PSMD13: variants seen among roughly 807,000 people sequenced by gnomAD.
The protein encoded by PSMD13 is proteasome 26S subunit, non-ATPase 13, also known as 26S proteasome non-ATPase regulatory subunit 13.
In PSMD13, 8 loss-of-function variants were observed where a neutral mutation model predicts 57.4. That is an observed-to-expected ratio of 0.14 (90% CI 0.08 to 0.25). The LOEUF is 0.25. Ranked by LOEUF, PSMD13 falls within the 10% of genes least tolerant of loss-of-function variation. PSMD13 has a pLI of 1.00. For missense variants in PSMD13, 400 were observed against 461.5 expected (o/e 0.87, Z 1.22); for synonymous variants, 193 against 168.2 (o/e 1.15, Z -1.14).
intron 2 of PSMD13, among the ~76,000 whole-genome samples, chr11:240,101 C>CCT (rs1859481826): frequency 1.9e-5 from 1 of 51,412 alleles, no homozygotes; most frequent in Non-Finnish European, 3.4e-5. Flanking sequence ...ATGAGACCTG[C>CCT]TTTTTTTTTT....
intron 7 of PSMD13, 104 bp downstream of exon 7, chr11:247,552 C>A: frequency 1.5e-6 from 2 of 1,343,094 alleles, no homozygotes; most frequent in Non-Finnish European, 2.0e-6. Context: ...TAAGGTGGGG[C>A]TGGGCACGGT....
chr11:248,639 G>A (rs1269471757), intron 7 of PSMD13, 137 bp from the exon 8 acceptor site: 1 of 796,678 alleles, frequency 1.3e-6, no homozygotes, highest in Admixed American at 2.3e-5. Flanking sequence ...CTTCAGAAGA[G>A]GTGACTAATG....
Position 252,194 on chromosome 11 carries a change from G to A in PSMD13, c.1035+258G>A, listed in dbSNP as rs1292913076. The A allele has an allele frequency of 3.9e-6, 2 of 516,734 alleles. No homozygotes were observed. Among genetic ancestry groups the A allele is most frequent in the African/African-American group, 3.8e-5 (2 of 52,486 alleles). The allele number at this position is 516,734 out of a possible 1,614,324, so 32.0% of individuals were successfully genotyped here. ...GGTGCCTTTTAATCTTAAGATAGGA[G>A]CTCTGATCAGATACGTTCCTGGTTC... On this transcript the variant is annotated intron_variant, in intron 12 of 12. Transcript: ENST00000532097. The surrounding 1 kb of genome is among the most constrained non-coding windows in gnomAD (Gnocchi z 4.1).
intron 1 of PSMD13, among the ~76,000 whole-genome samples, chr11:238,627 C>T (rs1222810922): frequency 1.3e-5 from 2 of 152,000 alleles, no homozygotes; most frequent in East Asian, 1.9e-4. Flanking sequence ...GCCGAGATGG[C>T]GCCACTGCAC....
chr11:252,675 C>G lies in PSMD13; in HGVS notation c.*75C>G. The G allele has an allele frequency of 7.2e-7, 1 of 1,383,008 alleles. No individual in the cohort carries two copies. The highest frequency in any genetic ancestry group is 1.0e-6 in the Non-Finnish European group (1 of 975,582). The allele number at this position is 1,383,008 out of a possible 1,614,324, so 85.7% of individuals were successfully genotyped here. A position where few individuals can be genotyped will look rare whatever the true frequency, so the allele number is the denominator to read the frequency against. On this transcript the variant is annotated 3_prime_UTR_variant, in exon 13 of 13. Transcript: ENST00000532097. The surrounding 1 kb of genome is among the most constrained non-coding windows in gnomAD (Gnocchi z 4.1). ...TTTGCAGCCAATGAAGCTGGCTGCT[C>G]AGACGGTCGACATTGAATTTGGGTG... is the stretch of plus-strand genomic sequence containing the variant.
At chr11:241,092 A>C (rs563457302) in intron 2 of PSMD13, among the ~76,000 whole-genome samples, 1 of 151,568 alleles carries the variant, frequency 6.6e-6, no homozygotes, top group African/African-American at 2.4e-5. Context: ...TTGGCCTCCC[A>C]AAGTGCTGGG....
Position 244,586 on chromosome 11 carries a change from A to G in PSMD13, c.310-89A>G, listed in dbSNP as rs569287174. On this transcript the variant is annotated intron_variant, in intron 5 of 12. Coordinates refer to ENST00000532097, the MANE Select transcript of PSMD13 (RefSeq NM_002817.4). Reference sequence around the variant, plus strand: ...GAGACCACAAGGCCTCTAGTCATCAAGGTTAAGTTAATGTACAAGTAGCTA... The same window carrying G: ...GAGACCACAAGGCCTCTAGTCATCAGGGTTAAGTTAATGTACAAGTAGCTA... 4 of 1,508,648 alleles carry G rather than the reference A, an allele frequency of 2.7e-6. No homozygotes were observed. The African/African-American group carries it at 4.2e-5, about 16-fold the overall frequency. The allele number at this position is 1,508,648 out of a possible 1,614,324, so 93.5% of individuals were successfully genotyped here.
At chr11:249,098 T>A (rs372193426) in intron 9 of PSMD13, 41 bp downstream of exon 9, 1 of 1,603,258 alleles carries the variant, frequency 6.2e-7, no homozygotes, top group Admixed American at 1.7e-5. Context: ...CCCCCATGTA[T>A]CTACTCGCTC....
chr11:244,248 A>C (rs760714586), intron 4 of PSMD13, 32 bp downstream of exon 4: 1 of 1,599,708 alleles, frequency 6.3e-7, no homozygotes, highest in African/African-American at 1.4e-5. Flanking sequence ...AAAGGAGCAG[A>C]TCCAAATGGT....
At position 236,993 on chromosome 11, in the gene PSMD13, A is replaced by G. The variant is rs1337023406; in HGVS notation, c.-57A>G. 3.5e-6 allele frequency: 5 copies of G among 1,447,308 alleles called. No individual in the cohort carries two copies. The highest frequency in any genetic ancestry group is 4.6e-5 in the East Asian group (2 of 43,642). The allele number at this position is 1,447,308 out of a possible 1,614,324, so 89.7% of individuals were successfully genotyped here. ...AAGTGAGTGAGCATTTCCGGCAGCC[A>G]TCCCCGCGGTGCTGACATCCCGGTT... On this transcript the variant is annotated 5_prime_UTR_variant, in exon 1 of 13. Coordinates refer to ENST00000532097, the MANE Select transcript of PSMD13 (RefSeq NM_002817.4).
chr11:241,070 G>A (rs762766618), intron 2 of PSMD13, among the ~76,000 whole-genome samples: 7 of 151,946 alleles, frequency 4.6e-5, no homozygotes, highest in African/African-American at 9.7e-5. Flanking sequence ...AACCTCAGGC[G>A]ATCCACCCGC....
intron 5 of PSMD13, 55 bp downstream of exon 5, chr11:244,524 T>A: frequency 5.1e-6 from 8 of 1,562,160 alleles, no homozygotes; most frequent in Non-Finnish European, 7.1e-6. Flanking sequence ...ATGTATGACT[T>A]AACAGCTTGT....
At chr11:249,749 A>G (rs1215517902) in intron 9 of PSMD13, among the ~76,000 whole-genome samples, 3 of 152,152 alleles carry the variant, frequency 2.0e-5, no homozygotes, top group Non-Finnish European at 4.4e-5. Context: ...AGCTTTAATG[A>G]TAAGTATGTT....
chr11:239,336 G>T (rs1231761973), intron 2 of PSMD13, among the ~76,000 whole-genome samples: 1 of 152,182 alleles, frequency 6.6e-6, no homozygotes, highest in Admixed American at 6.5e-5. Flanking sequence ...GGCAGAAGAG[G>T]ATTCAAACAC....
intron 2 of PSMD13, among the ~76,000 whole-genome samples, chr11:240,151 C>T (rs1590245905): frequency 8.7e-6 from 1 of 114,684 alleles, no homozygotes; most frequent in East Asian, 3.2e-4. Flanking sequence ...CTCTTGTTGC[C>T]CGGGCTGGAG....
chr11:248,016 C>T (rs577357), intron 7 of PSMD13: 29,289 of 152,480 alleles, frequency 0.19, 2,976 homozygotes, highest in Non-Finnish European at 0.22. Flanking sequence ...GTTACCTAAG[C>T]CACAGGTATT....
At chr11:240,212 C>T (rs1177164490) in intron 2 of PSMD13, among the ~76,000 whole-genome samples, 1 of 141,962 alleles carries the variant, frequency 7.0e-6, no homozygotes, top group Non-Finnish European at 1.5e-5. Context: ...CGAGTTCAAG[C>T]GATTCTTCTG....
chr11:245,596 G>A (rs1167637110), intron 6 of PSMD13, among the ~76,000 whole-genome samples: 1 of 152,018 alleles, frequency 6.6e-6, no homozygotes, highest in Non-Finnish European at 1.5e-5. Flanking sequence ...GGATGTGGGT[G>A]GCAGTGAAAC....
intron 9 of PSMD13, 95 bp downstream of exon 9, chr11:249,152 A>C: frequency 6.5e-7 from 1 of 1,546,212 alleles, no homozygotes; most frequent in Non-Finnish European, 8.8e-7. Flanking sequence ...GCACACAGGA[A>C]AGAACAGGGC....
Sources: gnomAD v4.1 joint callset for allele counts (sites outside exome capture counted in the v4.1 genomes callset) on GRCh38, gnomAD v4.1.1 for gene constraint, Gnocchi (gnomAD v3.1) non-coding constraint, MANE v1.5 for transcripts, NCBI Gene and HGNC (gene_info 2026-07-23, HGNC 2026-07-21) for gene names.